The following NXPE2 variants were observed in gnomAD, a reference collection of about 807,000 sequenced individuals.
The protein encoded by NXPE2 is NXPE family member 2.
Under a neutral mutation model 34.4 loss-of-function variants are expected in NXPE2, and 34 were observed. The ratio of observed to expected loss-of-function variants is 0.99; its 90% CI spans 0.75 to 1.31. The LOEUF is 1.31. Ranked by LOEUF, NXPE2 falls within the 40% of genes most tolerant of loss-of-function variation. The pLI is 0.00. For missense variants in NXPE2, 649 were observed against 672.5 expected, an observed-to-expected ratio of 0.97 and a Z score of 0.39; for synonymous variants, 235 against 231.3, an observed-to-expected ratio of 1.02 and a Z score of -0.15.
chr11:114,569,615 A>T, the NXPE2 span, among the ~76,000 whole-genome samples: 31,517 of 151,976 alleles, frequency 0.21, 4,318 homozygotes, highest in African/African-American at 0.38. Context: ...AGAGCTGAAG[A>T]TACTTATCCA....
chr11:114,769,923 C>G, the NXPE2 span, among the ~76,000 whole-genome samples: 2 of 152,172 alleles, frequency 1.3e-5, no homozygotes, highest in Non-Finnish European at 2.9e-5. Context: ...AACAAACCTG[C>G]ACGTTCTGCA....
chr11:114,530,516 G>A, the NXPE2 span: 1 of 1,613,932 alleles, frequency 6.2e-7, no homozygotes, highest in Non-Finnish European at 8.5e-7. Context: ...AGCTGACCAG[G>A]TAGGTGCCAT....
the NXPE2 span, among the ~76,000 whole-genome samples, chr11:114,721,513 T>C: frequency 1.3e-5 from 2 of 152,028 alleles, no homozygotes; most frequent in Non-Finnish European, 2.9e-5. Flanking sequence ...CACACCTGCA[T>C]TGAAATTAAA....
At chr11:114,600,246 A>G in the NXPE2 span, among the ~76,000 whole-genome samples, 1 of 152,220 alleles carries the variant, frequency 6.6e-6, no homozygotes, top group Admixed American at 6.5e-5. Flanking sequence ...ATGGGTTAAC[A>G]TAACCAGTAA....
At chr11:114,527,638 C>A in the NXPE2 span, among the ~76,000 whole-genome samples, 1 of 152,142 alleles carries the variant, frequency 6.6e-6, no homozygotes, top group African/African-American at 2.4e-5. Context: ...AATACTTTCT[C>A]CTTTTGGATA....
the NXPE2 span, among the ~76,000 whole-genome samples, chr11:114,526,185 C>G: frequency 6.6e-6 from 1 of 152,158 alleles, no homozygotes; most frequent in African/African-American, 2.4e-5. Context: ...AACAGATTCT[C>G]CCCTGGAGCC....
the NXPE2 span, among the ~76,000 whole-genome samples, chr11:114,577,042 A>T: frequency 3.4e-5 from 1 of 29,810 alleles, no homozygotes. Flanking sequence ...TATATATATA[A>T]AGTTATATAT....
the NXPE2 span, among the ~76,000 whole-genome samples, chr11:114,760,191 G>T: frequency 6.6e-6 from 1 of 152,190 alleles, no homozygotes; most frequent in Non-Finnish European, 1.5e-5. Flanking sequence ...ATTTGGTCAT[G>T]AGGGCAGAGC....
At chr11:114,774,773 C>G in the NXPE2 span, among the ~76,000 whole-genome samples, 3 of 152,126 alleles carry the variant, frequency 2.0e-5, no homozygotes, top group African/African-American at 7.2e-5. Flanking sequence ...CGAGCTCCTG[C>G]AAGGCGTGGA....
the NXPE2 span, among the ~76,000 whole-genome samples, chr11:114,748,959 G>C: frequency 2.0e-5 from 3 of 152,268 alleles, no homozygotes; most frequent in East Asian, 5.8e-4. Flanking sequence ...TGCTAGATCT[G>C]ACCAGTGAGT....
the NXPE2 span, among the ~76,000 whole-genome samples, chr11:114,787,077 G>T: frequency 6.6e-6 from 1 of 152,116 alleles, no homozygotes; most frequent in Non-Finnish European, 1.5e-5. Context: ...TCTTCTCCCT[G>T]CATACTCAGC....
At chr11:114,556,362 A>G in the NXPE2 span, among the ~76,000 whole-genome samples, 2 of 152,132 alleles carry the variant, frequency 1.3e-5, no homozygotes, top group Non-Finnish European at 2.9e-5. Context: ...TCTGTGCTAC[A>G]CTTTGTGGAG....
the NXPE2 span, among the ~76,000 whole-genome samples, chr11:114,651,046 G>A: frequency 3.3e-5 from 5 of 151,812 alleles, no homozygotes; most frequent in Non-Finnish European, 5.9e-5. Context: ...TACATTGAAG[G>A]TAATAATATA....
chr11:114,785,883 TTTCTTGGCCTCGACTC>T, the NXPE2 span, among the ~76,000 whole-genome samples: 1 of 152,168 alleles, frequency 6.6e-6, no homozygotes, highest in South Asian at 2.1e-4. Context: ...GTGAGGTGAA[TTTCTTGGCCTCGACTC>T]TTCAAGGCAG....
At chr11:114,631,755 C>G in the NXPE2 span, among the ~76,000 whole-genome samples, 2 of 151,576 alleles carry the variant, frequency 1.3e-5, no homozygotes, top group Non-Finnish European at 2.9e-5. Flanking sequence ...CACTGTCACC[C>G]GGTGGATAAT....
chr11:114,629,344 TG>T, the NXPE2 span, among the ~76,000 whole-genome samples: 3 of 147,954 alleles, frequency 2.0e-5, no homozygotes, highest in African/African-American at 7.8e-5. Flanking sequence ...GCTTCATCCC[TG>T]GGATGCAAGC....
chr11:114,689,013 A>G (rs1030949101), intron 2 of NXPE2, among the ~76,000 whole-genome samples: 2 of 151,944 alleles, frequency 1.3e-5, no homozygotes, highest in African/African-American at 2.4e-5. Flanking sequence ...TGGTCTATTG[A>G]TCTTGTTTAT....
the NXPE2 span, among the ~76,000 whole-genome samples, chr11:114,804,697 G>T: frequency 6.6e-6 from 1 of 152,156 alleles, no homozygotes; most frequent in Non-Finnish European, 1.5e-5. Flanking sequence ...GCTTAGATTG[G>T]GGTCAGCAAG....
At chr11:114,600,447 A>G in the NXPE2 span, among the ~76,000 whole-genome samples, 3 of 152,140 alleles carry the variant, frequency 2.0e-5, no homozygotes, top group Non-Finnish European at 4.4e-5. Flanking sequence ...TAAGACACAA[A>G]TGCTGTACTG....
Sources: allele counts gnomAD v4.1 joint callset (sites outside exome capture counted in the v4.1 genomes callset), GRCh38; gene constraint gnomAD v4.1.1; transcripts MANE v1.5; gene names NCBI Gene and HGNC (gene_info 2026-07-23, HGNC 2026-07-21).